The following STIM1 variants were observed in gnomAD, a reference collection of about 807,000 sequenced individuals.
The protein encoded by STIM1 is stromal interaction molecule 1.
Under a neutral mutation model 74.7 loss-of-function variants are expected in STIM1, and 25 were observed. That is an observed-to-expected ratio of 0.33 (90% CI 0.24 to 0.47). The LOEUF (loss-of-function observed/expected upper bound fraction) is 0.47, where lower values mean the gene tolerates loss of function less well. Among genes scored for constraint, STIM1 ranks in the 20% least tolerant of loss-of-function variants. The pLI is 1.00. For synonymous variants in STIM1, 328 were observed against 348.8 expected (o/e 0.94, Z 0.66); for missense variants, 728 against 920.8 (o/e 0.79, Z 2.71).
rs189639381 is a variant in STIM1, at chr11:3,998,391, T to C, written c.271-25482T>C. 2.0e-3 allele frequency among the ~76,000 whole-genome samples: 298 copies of C among 152,298 alleles called. 1 individual carries two copies. Among genetic ancestry groups the C allele is most frequent in the Admixed American group, 3.5e-3 (53 of 15,294 alleles). ...TCTTTCTTTTAGATAGGCTGACAATTTGGGGACCTTTTTCTTTCTTCTATT... is the reference window on the plus strand; with the variant it reads ...TCTTTCTTTTAGATAGGCTGACAATCTGGGGACCTTTTTCTTTCTTCTATT... On this transcript the variant is annotated intron_variant, in intron 2 of 12. Transcript: ENST00000526596.
chr11:3,856,755 C>T (rs2090387881), intron 1 of STIM1, among the ~76,000 whole-genome samples: 1 of 152,186 alleles, frequency 6.6e-6, no homozygotes, highest in Non-Finnish European at 1.5e-5. Context: ...AAGTTCATTG[C>T]TCCTATTCGG....
chr11:3,908,662 C>A (rs1301072235), intron 1 of STIM1, among the ~76,000 whole-genome samples: 1 of 151,166 alleles, frequency 6.6e-6, no homozygotes, highest in Non-Finnish European at 1.5e-5. Flanking sequence ...AAGTTTAAAG[C>A]CTAGGTTTAT....
At chr11:3,884,794 A>AAG (rs59961288) in intron 1 of STIM1, among the ~76,000 whole-genome samples, 19 of 151,370 alleles carry the variant, frequency 1.3e-4, no homozygotes, top group Non-Finnish European at 1.5e-4. Context: ...AAAAAAAAAA[A>AAG]GGGGTATGTT....
At chr11:4,039,888 C>T (rs1337309606) in intron 3 of STIM1, among the ~76,000 whole-genome samples, 1 of 152,008 alleles carries the variant, frequency 6.6e-6, no homozygotes, top group Admixed American at 6.6e-5. Flanking sequence ...CTGCCTCAGC[C>T]TCCCAAGTAG....
chr11:4,033,941 T>C (rs1471434039), intron 3 of STIM1, among the ~76,000 whole-genome samples: 1 of 151,852 alleles, frequency 6.6e-6, no homozygotes, highest in Non-Finnish European at 1.5e-5. Context: ...CCATAAAATA[T>C]AATGTTGGGC....
chr11:3,892,899 C>T (rs975313323), intron 1 of STIM1: 67 of 1,415,046 alleles, frequency 4.7e-5, no homozygotes, highest in East Asian at 1.1e-4. Flanking sequence ...GCTGATAGTA[C>T]GGGGCTCCCG....
chr11:4,082,853 T>G, intron 8 of STIM1, 29 bp from the exon 9 acceptor site: 3 of 1,600,636 alleles, frequency 1.9e-6, no homozygotes, highest in Non-Finnish European at 2.6e-6. Context: ...ATCCCTGCTC[T>G]TTTTGAGCTG....
chr11:3,857,962 T>C (rs1347174228), intron 1 of STIM1, among the ~76,000 whole-genome samples: 1 of 152,246 alleles, frequency 6.6e-6, no homozygotes, highest in Non-Finnish European at 1.5e-5. Flanking sequence ...CTCCTTGACC[T>C]TTGAGACCTG....
chr11:3,926,119 A>G (rs1450641367), intron 1 of STIM1, among the ~76,000 whole-genome samples: 7 of 152,092 alleles, frequency 4.6e-5, no homozygotes, highest in African/African-American at 1.7e-4. Context: ...GTTGTTTTTC[A>G]TATTCATTTA....
At chr11:3,908,904 G>A (rs773777515) in intron 1 of STIM1, among the ~76,000 whole-genome samples, 4 of 152,124 alleles carry the variant, frequency 2.6e-5, no homozygotes, top group African/African-American at 4.8e-5. Flanking sequence ...CTGGAAAAAG[G>A]CCTTTGTGTG....
intron 1 of STIM1, among the ~76,000 whole-genome samples, chr11:3,933,139 T>C (rs1308529214): frequency 6.6e-6 from 1 of 152,228 alleles, no homozygotes. Flanking sequence ...ATTCTGATAC[T>C]GCTTATAGAC....
intron 3 of STIM1, among the ~76,000 whole-genome samples, chr11:4,039,262 A>G (rs574430587): frequency 6.6e-6 from 1 of 152,124 alleles, no homozygotes; most frequent in Non-Finnish European, 1.5e-5. Flanking sequence ...ACTGTACTTC[A>G]GCCTGGGTGA....
At chr11:4,047,885 C>G (rs1370428379) in intron 3 of STIM1, among the ~76,000 whole-genome samples, 1 of 149,348 alleles carries the variant, frequency 6.7e-6, no homozygotes, top group Non-Finnish European at 1.5e-5. Context: ...ATGGCGTGAT[C>G]TCAGCTCACT....
chr11:4,022,943 AG>A (rs1338984279), intron 2 of STIM1, among the ~76,000 whole-genome samples: 1 of 152,238 alleles, frequency 6.6e-6, no homozygotes. Context: ...TCTATTTGTT[AG>A]AAGATGAGTC....
chr11:3,904,130 GA>G (rs2092415386), intron 1 of STIM1, among the ~76,000 whole-genome samples: 1 of 144,066 alleles, frequency 6.9e-6, no homozygotes, highest in Non-Finnish European at 1.5e-5. Context: ...CCGGGAGGCA[GA>G]GGTTGCAGTG....
At chr11:3,929,836 A>C (rs932199024) in intron 1 of STIM1, among the ~76,000 whole-genome samples, 2 of 152,202 alleles carry the variant, frequency 1.3e-5, no homozygotes, top group Non-Finnish European at 2.9e-5. Flanking sequence ...ACAGGTTACC[A>C]AGTTTACAGA....
At chr11:3,881,921 C>T (rs2091522149) in intron 1 of STIM1, among the ~76,000 whole-genome samples, 1 of 151,792 alleles carries the variant, frequency 6.6e-6, no homozygotes, top group Non-Finnish European at 1.5e-5. Context: ...ATCCACCTGC[C>T]TTAGCCTCCC....
At chr11:4,009,976 C>G (rs1274532974) in intron 2 of STIM1, among the ~76,000 whole-genome samples, 12 of 152,032 alleles carry the variant, frequency 7.9e-5, no homozygotes, top group Non-Finnish European at 1.2e-4. Flanking sequence ...CCACATGTAG[C>G]TAATTTTAAA....
chr11:3,892,766 G>C lies in STIM1; in HGVS notation c.139+36357G>C, dbSNP rs555349015. 1.1e-5 allele frequency: 18 copies of C among 1,613,110 alleles called. No individual in the cohort carries two copies. The Admixed American group carries it at 2.0e-4, about 18-fold the overall frequency. On this transcript the variant is annotated intron_variant, in intron 1 of 12. Coordinates refer to ENST00000526596, the MANE Select transcript of STIM1 (RefSeq NM_001382567.1). ...CTTATAACCAAATCCTTTCTCTCCA[G>C]TGCTCAGAGCACGAAAGTTTTCTGC...
Sources: allele counts gnomAD v4.1 joint callset (sites outside exome capture counted in the v4.1 genomes callset), GRCh38; gene constraint gnomAD v4.1.1; transcripts MANE v1.5; gene names NCBI Gene and HGNC (gene_info 2026-07-23, HGNC 2026-07-21).